MYO1D: variants seen among roughly 807,000 people sequenced by gnomAD.
MYO1D encodes myosin ID.
MYO1D carries 83 observed loss-of-function variants against 122.0 expected under a neutral mutation model. The observed-to-expected ratio is 0.68, with a 90% confidence interval of 0.57 to 0.82. The LOEUF (loss-of-function observed/expected upper bound fraction) is 0.82, where lower values mean the gene tolerates loss of function less well. Among genes scored for constraint, MYO1D ranks in the 40% least tolerant of loss-of-function variants. The pLI is 0.00. For synonymous variants in MYO1D, 464 were observed against 446.9 expected, an observed-to-expected ratio of 1.04 and a Z score of -0.48; for missense variants, 1,157 against 1,269.5, an observed-to-expected ratio of 0.91 and a Z score of 1.35.
At chr17:32,574,343 A>G (rs1286493114) in intron 21 of MYO1D, among the ~76,000 whole-genome samples, 1 of 152,040 alleles carries the variant, frequency 6.6e-6, no homozygotes, top group Non-Finnish European at 1.5e-5. Context: ...TGCACCCAAG[A>G]TGAAATTTTG....
chr17:32,572,975 G>A (rs1421547882), intron 21 of MYO1D, among the ~76,000 whole-genome samples: 4 of 151,728 alleles, frequency 2.6e-5, no homozygotes, highest in South Asian at 2.1e-4. Context: ...CTTTCTTAGC[G>A]TTCATACCCC....
chr17:32,704,324 TG>T (rs2089281600), intron 16 of MYO1D, among the ~76,000 whole-genome samples: 1 of 152,192 alleles, frequency 6.6e-6, no homozygotes, highest in Admixed American at 6.5e-5. Context: ...ATAGTATAAC[TG>T]GGGCTTTTTA....
At chr17:32,655,205 T>C (rs2088458773) in intron 17 of MYO1D, among the ~76,000 whole-genome samples, 1 of 152,242 alleles carries the variant, frequency 6.6e-6, no homozygotes, top group Non-Finnish European at 1.5e-5. Context: ...ATTTAGGGCA[T>C]AGAAAATTGG....
rs1228602552 is a variant in MYO1D, at chr17:32,494,764, T to TC, written c.3015dup (p.Asn1006GlufsTer71). ...GGCCAGGCCTCCGCGGGGCGTCAGT[T>TC]CCCGGGCACGCTGAGGATGAAGCCC... On this transcript the variant is annotated frameshift_variant, in exon 22 of 22. Coordinates refer to ENST00000318217, the MANE Select transcript of MYO1D (RefSeq NM_015194.3). LOFTEE classifies it high-confidence loss of function. 1.2e-6 allele frequency: 2 copies of TC among 1,601,972 alleles called. No individual in the cohort carries two copies. The highest frequency in any genetic ancestry group is 2.3e-5 in the East Asian group (1 of 44,082).
intron 1 of MYO1D, chr17:32,830,177 G>A (rs1382024177): frequency 1.3e-5 from 2 of 152,106 alleles, no homozygotes; most frequent in South Asian, 4.2e-4. Flanking sequence ...CTCAGCATTA[G>A]CACAAAATTC....
rs9897539 is a variant in MYO1D at position 32,598,447 on chromosome 17, C to A, written c.2864+6640G>T. On this transcript the variant is annotated intron_variant, in intron 21 of 21. Coordinates refer to ENST00000318217, the MANE Select transcript of MYO1D (RefSeq NM_015194.3). ...ATGTATTTGACTTTGGGTTTTCCCA[C>A]CCCATGGTGGAATTTTTGATTTGTG... is the stretch of plus-strand genomic sequence containing the variant. 9.1e-3 allele frequency among the ~76,000 whole-genome samples: 1,381 copies of A among 152,288 alleles called. 20 individuals carry two copies. Among genetic ancestry groups the A allele is most frequent in the African/African-American group, 0.031 (1,302 of 41,556 alleles).
intron 21 of MYO1D, among the ~76,000 whole-genome samples, chr17:32,589,111 G>T: frequency 6.6e-6 from 1 of 152,200 alleles, no homozygotes; most frequent in East Asian, 1.9e-4. Context: ...TTGTGAACTG[G>T]TTTTTGACAA....
At chr17:32,843,273 A>C (rs2090901409) in intron 1 of MYO1D, among the ~76,000 whole-genome samples, 1 of 152,236 alleles carries the variant, frequency 6.6e-6, no homozygotes. Context: ...CTGGAGCCTA[A>C]GAAAGACTAT....
In MYO1D at chr17:32,656,447, G is replaced by A. The variant is rs1453890748; in HGVS notation, c.2346-1826C>T. 2.0e-5 allele frequency among the ~76,000 whole-genome samples: 3 copies of A among 152,194 alleles called. No homozygotes were observed. In the East Asian group the frequency reaches 5.8e-4, roughly 29 times the overall value. ...AGTGGAAGGAGAAAACCCCTCAGAG[G>A]GATAGATGAGAATCCTGAAGCCTGA... is the stretch of plus-strand genomic sequence containing the variant. On this transcript the variant is annotated intron_variant, in intron 17 of 21. Transcript: ENST00000318217.
rs553115286 is a variant in MYO1D at position 32,644,212 on chromosome 17, G to C, written c.2596-5377C>G. 2.0e-5 allele frequency among the ~76,000 whole-genome samples: 3 copies of C among 152,284 alleles called. No individual in the cohort carries two copies. In the South Asian group the frequency reaches 6.2e-4, roughly 32 times the overall value. ...CAGGAGCAGGTTGTTCAGTTTCCAT[G>C]TAGTTGAGCAGTTTTGAGTGAGTTT... On this transcript the variant is annotated intron_variant, in intron 19 of 21. Transcript: ENST00000318217.
intron 21 of MYO1D, among the ~76,000 whole-genome samples, chr17:32,580,032 G>C (rs1396206479): frequency 6.6e-6 from 1 of 151,990 alleles, no homozygotes; most frequent in Non-Finnish European, 1.5e-5. Flanking sequence ...TATGTGGCAG[G>C]GATATGTTTA....
At chr17:32,780,072 CCCTATCTCGTG>C (rs1368610901) in intron 2 of MYO1D, among the ~76,000 whole-genome samples, 3 of 152,008 alleles carry the variant, frequency 2.0e-5, no homozygotes, top group Non-Finnish European at 4.4e-5. Context: ...GAGGTGTGTA[CCCTATCTCGTG>C]CCTATCTCCC....
chr17:32,572,871 T>C lies in MYO1D; in HGVS notation c.2864+32216A>G, dbSNP rs913263547. ...GGGTCACTCTCTGACAGGCTTTCCA[T>C]GTTAGCAAAAGCAACCTCTTCTCCC... On this transcript the variant is annotated intron_variant, in intron 21 of 21. Transcript: ENST00000318217. Among the ~76,000 whole-genome samples, 4 of 152,124 alleles carry C rather than the reference T, an allele frequency of 2.6e-5. No individual in the cohort carries two copies. In the South Asian group the frequency reaches 6.2e-4, roughly 24 times the overall value.
chr17:32,632,584 T>TACACAC (rs1417753749), intron 20 of MYO1D: 1 of 98,600 alleles, frequency 1.0e-5, no homozygotes. Flanking sequence ...TATATATATA[T>TACACAC]ATACACACAC....
intron 21 of MYO1D, among the ~76,000 whole-genome samples, chr17:32,595,516 AT>A (rs2087482928): frequency 6.6e-6 from 1 of 152,200 alleles, no homozygotes; most frequent in African/African-American, 2.4e-5. Flanking sequence ...GAAGGAAACT[AT>A]CAGAAGAATT....
intron 20 of MYO1D, among the ~76,000 whole-genome samples, chr17:32,628,950 T>G (rs1245666438): frequency 1.3e-5 from 2 of 152,250 alleles, no homozygotes; most frequent in Non-Finnish European, 2.9e-5. Flanking sequence ...TTAGTAGCTT[T>G]ATTCATAGTT....
chr17:32,809,144 A>AAC (rs1237374667), intron 1 of MYO1D, among the ~76,000 whole-genome samples: 5 of 151,736 alleles, frequency 3.3e-5, no homozygotes, highest in East Asian at 1.9e-4. Flanking sequence ...TAAAAAAAAA[A>AAC]AAAAAAACTG....
At chr17:32,795,809 A>T (rs2090409900) in intron 1 of MYO1D, among the ~76,000 whole-genome samples, 1 of 152,044 alleles carries the variant, frequency 6.6e-6, no homozygotes, top group Non-Finnish European at 1.5e-5. Flanking sequence ...CGGGTACAAC[A>T]TAGCAGTTAC....
intron 19 of MYO1D, among the ~76,000 whole-genome samples, chr17:32,641,863 T>G (rs1323873994): frequency 6.6e-6 from 1 of 152,192 alleles, no homozygotes; most frequent in Admixed American, 6.5e-5. Flanking sequence ...TGCAAAAATT[T>G]TCTCCCATTC....
Sources: gnomAD v4.1 joint callset for allele counts (sites outside exome capture counted in the v4.1 genomes callset) on GRCh38, gnomAD v4.1.1 for gene constraint, MANE v1.5 for transcripts, NCBI Gene and HGNC (gene_info 2026-07-23, HGNC 2026-07-21) for gene names.